The following GNAI3 variants were observed in gnomAD, a reference collection of about 807,000 sequenced individuals.
The protein encoded by GNAI3 is G protein subunit alpha i3.
In GNAI3, 12 loss-of-function variants were observed where a neutral mutation model predicts 41.8. The observed-to-expected ratio is 0.29, with a 90% CI of 0.18 to 0.47. The LOEUF (loss-of-function observed/expected upper bound fraction) is 0.47, where lower values mean the gene tolerates loss of function less well. Among genes scored for constraint, GNAI3 ranks in the 20% least tolerant of loss-of-function variants. GNAI3 has a pLI of 1.00. For missense variants in GNAI3, 360 were observed against 429.6 expected (o/e 0.84, Z 1.43); for synonymous variants, 132 against 146.5 (o/e 0.90, Z 0.71).
intron 1 of GNAI3, among the ~76,000 whole-genome samples, chr1:109,558,283 C>A (rs765324493): frequency 6.6e-6 from 1 of 151,954 alleles, no homozygotes; most frequent in African/African-American, 2.4e-5. Context: ...ATTAGCCAGG[C>A]GTGGTGGTGC....
At chr1:109,568,767 T>A (rs1648520769) in intron 1 of GNAI3, among the ~76,000 whole-genome samples, 1 of 152,130 alleles carries the variant, frequency 6.6e-6, no homozygotes, top group Non-Finnish European at 1.5e-5. Context: ...CACTGCAACC[T>A]TGAACTCCTG....
Position 109,586,308 on chromosome 1 carries a change from G to T in GNAI3, c.683G>T (p.Ser228Ile), listed in dbSNP as rs1457740085. 9 of 1,613,482 alleles carry T rather than the reference G, an allele frequency of 5.6e-6. No homozygotes were observed. In the Admixed American group the frequency reaches 1.5e-4, roughly 27 times the overall value. ...GCAATTATCTTCTGTGTGGCCCTCA[G>T]TGATTATGACCTTGTTCTGGCTGAG... is the stretch of plus-strand genomic sequence containing the variant. The part of the protein sequence containing the change: ...VTAIIFCVAL[S>I]DYDLVLAEDE... The change falls in exon 6 of 9, where the codon AGT (serine) becomes ATT (isoleucine). Residue 228 changes from serine (S) to isoleucine (I), a missense_variant. Transcript: ENST00000369851.
chr1:109,599,545 T>A lies in GNAI3; in HGVS notation c.*7223T>A, dbSNP rs1649393948. 1 of 152,216 alleles carries A rather than the reference T, an allele frequency of 6.6e-6. No individual in the cohort carries two copies. Among genetic ancestry groups the A allele is most frequent in the Non-Finnish European group, 1.5e-5 (1 of 68,026 alleles). 9.4% of individuals were successfully genotyped at this position (152,216 alleles called of 1,614,324 possible). On this transcript the variant is annotated 3_prime_UTR_variant, in exon 9 of 9. Coordinates refer to ENST00000369851, the MANE Select transcript of GNAI3 (RefSeq NM_006496.4). ...ATTTTTGTCTAAAAAAGGAAAACTA[T>A]CAGATTTATGTGAAATGTAACGTAA...
Position 109,599,033 on chromosome 1 carries a change from C to T in GNAI3, c.*6711C>T, listed in dbSNP as rs894745264. The T allele has an allele frequency of 3.1e-5, 16 of 518,360 alleles. No individual in the cohort carries two copies. Among genetic ancestry groups the T allele is most frequent in the South Asian group, 4.2e-5 (3 of 70,756 alleles). 32.1% of individuals were successfully genotyped at this position (518,360 alleles called of 1,614,324 possible). On this transcript the variant is annotated 3_prime_UTR_variant, in exon 9 of 9. Transcript: ENST00000369851. ...GGTTTTGAATGCTGTTATGTCTCACCGTGGGGATGGGAAGGAATACTCTGT... is the reference window on the plus strand; with the variant it reads ...GGTTTTGAATGCTGTTATGTCTCACTGTGGGGATGGGAAGGAATACTCTGT...
At chr1:109,561,029 C>G (rs1648297297) in intron 1 of GNAI3, among the ~76,000 whole-genome samples, 1 of 152,172 alleles carries the variant, frequency 6.6e-6, no homozygotes, top group Non-Finnish European at 1.5e-5. Context: ...AATGATAAAA[C>G]TATGACCATG....
Position 109,573,969 on chromosome 1 carries a change from C to G in GNAI3, c.235C>G (p.Gln79Glu). ...AGTAGTTGTCTACAGCAATACTATA[C>G]AGTCCATCATTGCAATCATAAGAGC... The part of the protein sequence containing the change: ...YKVVVYSNTI[Q>E]SIIAIIRAMG... Residue 79 changes from glutamine to glutamate, a missense_variant, in exon 3 of 9, where the codon CAG becomes GAG. By Grantham distance (29) the Gln-to-Glu change is conservative (BLOSUM62 2). Transcript: ENST00000369851. 4 of 1,608,222 alleles carry G rather than the reference C, an allele frequency of 2.5e-6. No individual in the cohort carries two copies. Among genetic ancestry groups the G allele is most frequent in the Non-Finnish European group, 3.4e-6 (4 of 1,174,674 alleles).
rs1471163398 is a variant in GNAI3, at chr1:109,597,946, G to A, written c.*5624G>A. ...ACATGTAAAAGCCTTTGTATGCCCAGTGCTAGTGTTTTCCTGAAATCTAGT... is the reference window on the plus strand; with the variant it reads ...ACATGTAAAAGCCTTTGTATGCCCAATGCTAGTGTTTTCCTGAAATCTAGT... On this transcript the variant is annotated 3_prime_UTR_variant, in exon 9 of 9. Transcript: ENST00000369851. 1 of 152,208 alleles carries A rather than the reference G, an allele frequency of 6.6e-6. No individual in the cohort carries two copies. The allele number at this position is 152,208 out of a possible 1,614,324, so 9.4% of individuals were successfully genotyped here. A position where few individuals can be genotyped will look rare whatever the true frequency, so the allele number is the denominator to read the frequency against.
intron 1 of GNAI3, among the ~76,000 whole-genome samples, chr1:109,568,093 T>G (rs1285272198): frequency 6.6e-6 from 1 of 152,106 alleles, no homozygotes; most frequent in African/African-American, 2.4e-5. Flanking sequence ...AGTTCCAAAT[T>G]CCAATCACTT....
chr1:109,585,317 G>A (rs1649008631), intron 5 of GNAI3, among the ~76,000 whole-genome samples: 1 of 152,210 alleles, frequency 6.6e-6, no homozygotes, highest in Admixed American at 6.5e-5. Flanking sequence ...TTCAGCAGTT[G>A]ACTCAGAATA....
chr1:109,581,669 C>A (rs1648892259), intron 4 of GNAI3, among the ~76,000 whole-genome samples: 1 of 152,094 alleles, frequency 6.6e-6, no homozygotes. Flanking sequence ...AGACGAATCA[C>A]CTGAGGTCAG....
intron 4 of GNAI3, among the ~76,000 whole-genome samples, chr1:109,581,387 C>T (rs1047951883): frequency 2.0e-5 from 3 of 152,010 alleles, no homozygotes; most frequent in African/African-American, 7.2e-5. Context: ...AAACACCATT[C>T]TCTAATGTCC....
intron 6 of GNAI3, 31 bp from the exon 7 acceptor site, chr1:109,586,698 A>G (rs1649040089): frequency 1.3e-6 from 2 of 1,527,732 alleles, no homozygotes; most frequent in Non-Finnish European, 1.8e-6. Flanking sequence ...ACTATTTGCT[A>G]CTGACCTATC....
intron 1 of GNAI3, among the ~76,000 whole-genome samples, chr1:109,561,833 T>A (rs1648318161): frequency 6.6e-6 from 1 of 152,186 alleles, no homozygotes. Flanking sequence ...TTCTTCCTTT[T>A]AGAATATTTT....
Position 109,548,629 on chromosome 1 carries a change from C to T in GNAI3, c.-92C>T. ...CTAAGGGAGCTGACGGAGAGGGCCA[C>T]CGCCCAGCAATAGACGGTGCCTCAG... On this transcript the variant is annotated 5_prime_UTR_variant, in exon 1 of 9. Coordinates refer to ENST00000369851, the MANE Select transcript of GNAI3 (RefSeq NM_006496.4). 1 of 833,406 alleles carries T rather than the reference C, an allele frequency of 1.2e-6. No homozygotes were observed. The highest frequency in any genetic ancestry group is 2.0e-6 in the Non-Finnish European group (1 of 505,470). The allele number at this position is 833,406 out of a possible 1,614,324, so 51.6% of individuals were successfully genotyped here.
chr1:109,575,090 A>C (rs1648701039), intron 3 of GNAI3, among the ~76,000 whole-genome samples: 1 of 152,282 alleles, frequency 6.6e-6, no homozygotes, highest in South Asian at 2.1e-4. Flanking sequence ...GTATCAAAAA[A>C]TAAGAAAATA....
intron 1 of GNAI3, among the ~76,000 whole-genome samples, chr1:109,570,096 AT>A (rs1648553473): frequency 6.6e-6 from 1 of 152,158 alleles, no homozygotes; most frequent in African/African-American, 2.4e-5. Context: ...GAATCATTGG[AT>A]TTTTTAGATA....
Position 109,548,667 on chromosome 1 carries a change from C to A in GNAI3, c.-54C>A. 7.8e-7 allele frequency: 1 copy of A among 1,289,704 alleles called. No homozygotes were observed. Among genetic ancestry groups the A allele is most frequent in the South Asian group, 1.2e-5 (1 of 83,198 alleles). The allele number at this position is 1,289,704 out of a possible 1,614,324, so 79.9% of individuals were successfully genotyped here. A position where few individuals can be genotyped will look rare whatever the true frequency, so the allele number is the denominator to read the frequency against. On this transcript the variant is annotated 5_prime_UTR_variant, in exon 1 of 9. Coordinates refer to ENST00000369851, the MANE Select transcript of GNAI3 (RefSeq NM_006496.4). Reference sequence around the variant, plus strand: ...GACGGTGCCTCAGCCTGCCGAGCCGCAGTTTCCGTGGTGTGAGTGAGTCCG... The same window carrying A: ...GACGGTGCCTCAGCCTGCCGAGCCGAAGTTTCCGTGGTGTGAGTGAGTCCG...
rs1209068409 is a variant in GNAI3, at chr1:109,586,791, A to G, written c.783A>G (p.Glu261=). Residue 261 remains glutamate (E), a synonymous_variant, in exon 7 of 9, where the codon GAA becomes GAG. Transcript: ENST00000369851. The part of the protein sequence containing the change: ...DSICNNKWFT[E]TSIILFLNKK... ...TTTGTAATAACAAATGGTTTACAGA[A>G]ACTTCAATCATTCTCTTCCTTAACA... 1.3e-6 allele frequency: 2 copies of G among 1,597,458 alleles called. 1 individual carries two copies. The highest frequency in any genetic ancestry group is 2.2e-5 in the South Asian group (2 of 90,694).
chr1:109,573,983 A>G lies in GNAI3; in HGVS notation c.249A>G (p.Ala83=), dbSNP rs781664226. 3.7e-6 allele frequency: 6 copies of G among 1,611,468 alleles called. No homozygotes were observed. The South Asian group carries it at 6.6e-5, about 18-fold the overall frequency. Residue 83 remains alanine, a synonymous_variant, in exon 3 of 9, where the codon GCA becomes GCG. Transcript: ENST00000369851. ...GCAATACTATACAGTCCATCATTGC[A>G]ATCATAAGAGCCATGGGACGGCTAA... ...VYSNTIQSII[A]IIRAMGRLKI...
Sources: allele counts gnomAD v4.1 joint callset (sites outside exome capture counted in the v4.1 genomes callset), GRCh38; gene constraint gnomAD v4.1.1; transcripts MANE v1.5; gene names NCBI Gene and HGNC (gene_info 2026-07-23, HGNC 2026-07-21).